The following MYO5C variants were observed in gnomAD, a reference collection of about 807,000 sequenced individuals.
The protein encoded by MYO5C is unconventional myosin-Vc.
Under a neutral mutation model 235.7 loss-of-function variants are expected in MYO5C, and 194 were observed. That is an observed-to-expected ratio of 0.82 (90% CI 0.73 to 0.93). The LOEUF is 0.93. Among genes scored for constraint, MYO5C ranks in the 40% least tolerant of loss-of-function variants. The probability of loss-of-function intolerance (pLI) is 0.00; values close to 1 mark genes in which losing one functional copy is unlikely to be tolerated. For synonymous variants in MYO5C, 707 were observed against 754.8 expected, an observed-to-expected ratio of 0.94 and a Z score of 1.04; for missense variants, 2,038 against 2,127.2, an observed-to-expected ratio of 0.96 and a Z score of 0.82.
At chr15:52,227,309 C>T (rs2035850546) in intron 25 of MYO5C, among the ~76,000 whole-genome samples, 1 of 150,006 alleles carries the variant, frequency 6.7e-6, no homozygotes. Context: ...ACCCTCCTGC[C>T]TCAGCCTCCC....
chr15:52,230,826 C>CTTT (rs67197964), intron 24 of MYO5C, among the ~76,000 whole-genome samples: 10 of 128,606 alleles, frequency 7.8e-5, no homozygotes, highest in East Asian at 2.4e-4. Flanking sequence ...AGAAGTCTTC[C>CTTT]TTTTTTTTTT....
chr15:52,205,364 T>C, intron 37 of MYO5C: 2 of 572,760 alleles, frequency 3.5e-6, no homozygotes, highest in Non-Finnish European at 6.1e-6. Context: ...GCAGCTCCTC[T>C]TGTAGGTTTG....
At chr15:52,282,666 C>A in intron 2 of MYO5C, 116 bp downstream of exon 2, 1 of 707,238 alleles carries the variant, frequency 1.4e-6, no homozygotes, top group Non-Finnish European at 2.6e-6. Flanking sequence ...GTGCTGGTGC[C>A]CACTCGTGCG....
At chr15:52,244,227 G>A (rs774050798) in intron 19 of MYO5C, 129 bp downstream of exon 19, 183 of 809,274 alleles carry the variant, frequency 2.3e-4, no homozygotes, top group Admixed American at 3.0e-4. Context: ...GACCACAAAG[G>A]GGACCCATGC....
chr15:52,285,515 G>A (rs905941269), intron 1 of MYO5C, among the ~76,000 whole-genome samples: 17 of 150,556 alleles, frequency 1.1e-4, no homozygotes, highest in Non-Finnish European at 1.6e-4. Flanking sequence ...CTCTTTCCAC[G>A]GTCTCCCTCT....
At chr15:52,288,659 T>C (rs1309830734) in intron 1 of MYO5C, among the ~76,000 whole-genome samples, 1 of 152,212 alleles carries the variant, frequency 6.6e-6, no homozygotes. Context: ...ACAGCATTCA[T>C]CCAAACAGAT....
intron 31 of MYO5C, among the ~76,000 whole-genome samples, chr15:52,219,330 A>G (rs73404877): frequency 0.018 from 2,666 of 152,330 alleles, 84 homozygotes; most frequent in African/African-American, 0.06. Flanking sequence ...ATTTTCCATC[A>G]ACATGGGCTT....
At chr15:52,212,887 GAGGACAGTTTTGGCCCCCAC>G (rs2035478128) in intron 34 of MYO5C, among the ~76,000 whole-genome samples, 2 of 152,252 alleles carry the variant, frequency 1.3e-5, no homozygotes, top group South Asian at 4.1e-4. Flanking sequence ...GTTCTCAACT[GAGGACAGTTTTGGCCCCCAC>G]AGGACATTCG....
At position 52,271,912 on chromosome 15, in the gene MYO5C, C is replaced by T. The variant is rs374876189; in HGVS notation, c.751-68G>A. On this transcript the variant is annotated intron_variant, in intron 6 of 40. Coordinates refer to ENST00000261839, the MANE Select transcript of MYO5C (RefSeq NM_018728.4). ...ACAAGCAAAAATGCCAGGTTTTTAACTAGAGGGTCCTAGATATCTAATCCG... is the reference window on the plus strand; with the variant it reads ...ACAAGCAAAAATGCCAGGTTTTTAATTAGAGGGTCCTAGATATCTAATCCG... 6 of 905,228 alleles carry T rather than the reference C, an allele frequency of 6.6e-6. No individual in the cohort carries two copies. In the East Asian group the frequency reaches 1.6e-4, roughly 23 times the overall value. The allele number at this position is 905,228 out of a possible 1,614,324, so 56.1% of individuals were successfully genotyped here. A position where few individuals can be genotyped will look rare whatever the true frequency, so the allele number is the denominator to read the frequency against.
intron 4 of MYO5C, among the ~76,000 whole-genome samples, chr15:52,276,401 T>G (rs2037051911): frequency 6.6e-6 from 1 of 152,210 alleles, no homozygotes; most frequent in Non-Finnish European, 1.5e-5. Context: ...AGCAAGGAAT[T>G]TGACAGCACA....
At position 52,286,213 on chromosome 15, in the gene MYO5C, G is replaced by C. The variant is rs577780894; in HGVS notation, c.28-3321C>G. Among the ~76,000 whole-genome samples, 10 of 151,772 alleles carry C rather than the reference G, an allele frequency of 6.6e-5. No individual in the cohort carries two copies. In the South Asian group the frequency reaches 1.0e-3, roughly 16 times the overall value. ...TCCGCCCGGCAGCCGCCCCGTCCGG[G>C]AGGGAGGTGGGGGGTCAGCCCCCGC... On this transcript the variant is annotated intron_variant, in intron 1 of 40. Transcript: ENST00000261839.
chr15:52,259,683 C>T (rs1465914944), intron 10 of MYO5C, among the ~76,000 whole-genome samples: 1 of 152,230 alleles, frequency 6.6e-6, no homozygotes, highest in Non-Finnish European at 1.5e-5. Flanking sequence ...ATGTATTAAG[C>T]ATTTTATAAC....
At position 52,225,145 on chromosome 15, in the gene MYO5C, G is replaced by A. The variant is rs1392023418; in HGVS notation, c.3302-7C>T. 6.2e-7 allele frequency: 1 copy of A among 1,613,770 alleles called. No individual in the cohort carries two copies. The highest frequency in any genetic ancestry group is 8.5e-7 in the Non-Finnish European group (1 of 1,179,882). ...GTGATCTCTGACATCTTTTCTGAAA[G>A]GGAAAGGCAGAGTTGTATATATTAC... On this transcript the variant is annotated splice_polypyrimidine_tract_variant and splice_region_variant and intron_variant, in intron 26 of 40. Transcript: ENST00000261839.
At chr15:52,286,938 A>T (rs894203854) in intron 1 of MYO5C, among the ~76,000 whole-genome samples, 32 of 142,818 alleles carry the variant, frequency 2.2e-4, no homozygotes, top group East Asian at 5.9e-4. Flanking sequence ...AATGATCAAT[A>T]AAAAAAAAAA....
In MYO5C at chr15:52,277,973, TAA is replaced by T. The variant is rs573236245; in HGVS notation, c.449+898_449+899del. On this transcript the variant is annotated intron_variant, in intron 4 of 40. Coordinates refer to ENST00000261839, the MANE Select transcript of MYO5C (RefSeq NM_018728.4). ...AGGAGCTGCGGCTGGGGTTATGCAG[TAA>T]AGATTTAGGTAAAGAGTCAGCAGGT... 17 of 455,968 alleles carry T rather than the reference TAA, an allele frequency of 3.7e-5. No homozygotes were observed. The East Asian group carries it at 1.0e-3, about 28-fold the overall frequency. 28.2% of individuals were successfully genotyped at this position (455,968 alleles called of 1,614,324 possible). A position where few individuals can be genotyped will look rare whatever the true frequency, so the allele number is the denominator to read the frequency against.
chr15:52,221,372 A>G, intron 29 of MYO5C, 117 bp from the exon 30 acceptor site: 2 of 701,676 alleles, frequency 2.9e-6, no homozygotes. Flanking sequence ...TAGCTGTGTA[A>G]AAGAGCTAGC....
chr15:52,194,936 G>A (rs554642360), intron 40 of MYO5C, among the ~76,000 whole-genome samples: 24 of 152,210 alleles, frequency 1.6e-4, no homozygotes, highest in African/African-American at 5.8e-4. Flanking sequence ...AGACCCTCTT[G>A]AAAGTGTCTC....
intron 4 of MYO5C, chr15:52,277,774 T>C (rs571047675): frequency 6.6e-6 from 3 of 451,896 alleles, no homozygotes; most frequent in Non-Finnish European, 8.9e-6. Context: ...CTCTGATGAC[T>C]CTGAAGAAGC....
chr15:52,267,093 C>T (rs2036830606), intron 8 of MYO5C, among the ~76,000 whole-genome samples: 1 of 152,210 alleles, frequency 6.6e-6, no homozygotes, highest in Non-Finnish European at 1.5e-5. Flanking sequence ...AGTCTTGGCC[C>T]TGGGACTGAG....
Sources: allele counts gnomAD v4.1 joint callset (sites outside exome capture counted in the v4.1 genomes callset), GRCh38; gene constraint gnomAD v4.1.1; transcripts MANE v1.5; gene names NCBI Gene and HGNC (gene_info 2026-07-23, HGNC 2026-07-21).